Variants in PID1 observed in about 807,000 individuals in gnomAD.
The protein encoded by PID1 is PTB-containing, cubilin and LRP1-interacting protein.
A neutral mutation model predicts 19.1 loss-of-function variants in PID1; 10 were observed. That is an observed-to-expected ratio of 0.52 (90% confidence interval 0.32 to 0.89). The LOEUF is 0.89. Ranked by LOEUF, PID1 falls within the 40% of genes least tolerant of loss-of-function variation. The pLI is 0.03. For synonymous variants in PID1, 130 were observed against 116.0 expected, an observed-to-expected ratio of 1.12 and a Z score of -0.78; for missense variants, 248 against 285.3, an observed-to-expected ratio of 0.87 and a Z score of 0.94.
intron 2 of PID1, among the ~76,000 whole-genome samples, chr2:229,141,687 C>T (rs548951118): frequency 1.3e-5 from 2 of 152,168 alleles, no homozygotes; most frequent in Non-Finnish European, 2.9e-5. Context: ...TACAGGGTAA[C>T]TTTCCTGGCT....
intron 1 of PID1, among the ~76,000 whole-genome samples, chr2:229,215,797 C>T (rs971184354): frequency 6.6e-5 from 10 of 152,184 alleles, no homozygotes; most frequent in Non-Finnish European, 7.3e-5. Flanking sequence ...AAATTCTTAC[C>T]CATGATCTCC....
intron 1 of PID1, among the ~76,000 whole-genome samples, chr2:229,180,526 G>A (rs1690917762): frequency 6.6e-6 from 1 of 152,142 alleles, no homozygotes; most frequent in African/African-American, 2.4e-5. Context: ...CATCATCTGA[G>A]AACTTACTGG....
At chr2:229,173,184 T>C (rs1690746594) in intron 1 of PID1, among the ~76,000 whole-genome samples, 1 of 152,188 alleles carries the variant, frequency 6.6e-6, no homozygotes, top group South Asian at 2.1e-4. Context: ...AAACCCAACA[T>C]AATTCCAAAC....
chr2:229,148,483 G>C (rs1200856358), intron 2 of PID1, among the ~76,000 whole-genome samples: 2 of 152,162 alleles, frequency 1.3e-5, no homozygotes, highest in African/African-American at 4.8e-5. Context: ...AGAGGGAGGA[G>C]CAAGGCTGAG....
chr2:229,210,591 C>G (rs1158665730), intron 1 of PID1, among the ~76,000 whole-genome samples: 1 of 136,916 alleles, frequency 7.3e-6, no homozygotes, highest in Non-Finnish European at 1.5e-5. Context: ...CTTCAAGTCA[C>G]TTTTCTCAGC....
intron 1 of PID1, among the ~76,000 whole-genome samples, chr2:229,159,928 T>C (rs900506122): frequency 1.3e-5 from 2 of 152,020 alleles, no homozygotes; most frequent in Non-Finnish European, 2.9e-5. Flanking sequence ...AGGAGCCACA[T>C]AGGTCACTGA....
intron 2 of PID1, among the ~76,000 whole-genome samples, chr2:229,089,442 A>G (rs1694828234): frequency 6.6e-6 from 1 of 152,198 alleles, no homozygotes. Context: ...TTTAAAAGGA[A>G]AAGAAATAAT....
chr2:229,142,919 C>G (rs1224568657), intron 2 of PID1, among the ~76,000 whole-genome samples: 1 of 150,658 alleles, frequency 6.6e-6, no homozygotes, highest in Non-Finnish European at 1.5e-5. Context: ...TGGCACTATT[C>G]ACAATAGCAA....
intron 1 of PID1, among the ~76,000 whole-genome samples, chr2:229,200,545 C>T (rs2106240060): frequency 6.6e-6 from 1 of 152,086 alleles, no homozygotes; most frequent in East Asian, 1.9e-4. Flanking sequence ...TATCTGCCAC[C>T]CCCACTACAC....
At chr2:229,260,736 C>T (rs1248498881) in intron 1 of PID1, among the ~76,000 whole-genome samples, 2 of 150,750 alleles carry the variant, frequency 1.3e-5, no homozygotes, top group Admixed American at 1.3e-4. Flanking sequence ...CTACCCTAAG[C>T]AGACATTATT....
At chr2:229,087,711 T>C (rs1008910025) in intron 2 of PID1, among the ~76,000 whole-genome samples, 4 of 152,144 alleles carry the variant, frequency 2.6e-5, no homozygotes, top group African/African-American at 9.7e-5. Context: ...TTAAGATCAT[T>C]TGATGACTAC....
intron 1 of PID1, among the ~76,000 whole-genome samples, chr2:229,211,123 G>T (rs1370885332): frequency 6.6e-6 from 1 of 152,104 alleles, no homozygotes; most frequent in Non-Finnish European, 1.5e-5. Flanking sequence ...GTGAAATGAT[G>T]ATATATAAAA....
chr2:229,168,374 A>G (rs1001363191), intron 1 of PID1, among the ~76,000 whole-genome samples: 3 of 150,938 alleles, frequency 2.0e-5, no homozygotes, highest in African/African-American at 7.3e-5. Context: ...TTCTTTTTGG[A>G]TTTCAGTTTG....
At chr2:229,028,378 A>C (rs182212039) in intron 2 of PID1, among the ~76,000 whole-genome samples, 37 of 152,354 alleles carry the variant, frequency 2.4e-4, no homozygotes, top group Non-Finnish European at 2.1e-4. Context: ...ACGTGTCACT[A>C]TCTCAGCCAC....
chr2:229,253,689 G>A (rs764992890), intron 1 of PID1, among the ~76,000 whole-genome samples: 67 of 151,872 alleles, frequency 4.4e-4, no homozygotes, highest in Non-Finnish European at 5.9e-4. Context: ...GACACTGTGC[G>A]TCCATAGGTT....
At chr2:229,162,793 A>T (rs1280391839) in intron 1 of PID1, among the ~76,000 whole-genome samples, 1 of 152,244 alleles carries the variant, frequency 6.6e-6, no homozygotes, top group African/African-American at 2.4e-5. Context: ...TATTGTAAAT[A>T]AGGTATATTC....
intron 2 of PID1, among the ~76,000 whole-genome samples, chr2:229,049,060 A>G (rs771343452): frequency 6.6e-6 from 1 of 152,168 alleles, no homozygotes; most frequent in Non-Finnish European, 1.5e-5. Flanking sequence ...TGTGGTAGAG[A>G]TGACTATGGG....
intron 2 of PID1, among the ~76,000 whole-genome samples, chr2:229,047,823 C>G (rs1169101512): frequency 3.3e-5 from 5 of 152,178 alleles, no homozygotes; most frequent in Admixed American, 6.5e-5. Context: ...GATCTGAATT[C>G]AGACACTCTC....
chr2:229,068,593 T>C (rs1694381190), intron 2 of PID1, among the ~76,000 whole-genome samples: 1 of 152,178 alleles, frequency 6.6e-6, no homozygotes, highest in African/African-American at 2.4e-5. Flanking sequence ...CCCTTCCATT[T>C]GTGGGGAAAG....
Sources: gnomAD v4.1 joint callset for allele counts (sites outside exome capture counted in the v4.1 genomes callset) on GRCh38, gnomAD v4.1.1 for gene constraint, MANE v1.5 for transcripts, NCBI Gene and HGNC (gene_info 2026-07-23, HGNC 2026-07-21) for gene names.